NCAPG2: variants seen among roughly 807,000 people sequenced by gnomAD.
The protein encoded by NCAPG2 is non-SMC condensin II complex subunit G2, also known as condensin-2 complex subunit G2.
NCAPG2 carries 53 observed loss-of-function variants against 141.1 expected under a neutral mutation model. That is an observed-to-expected ratio of 0.38 (90% CI 0.30 to 0.47). NCAPG2 has a LOEUF of 0.47. Ranked by LOEUF, NCAPG2 falls within the 20% of genes least tolerant of loss-of-function variation. The pLI, the probability that NCAPG2 is intolerant of heterozygous loss-of-function variation, is 0.99. For missense variants in NCAPG2, 1,087 were observed against 1,389.0 expected (o/e 0.78, Z 3.46); for synonymous variants, 499 against 490.7 (o/e 1.02, Z -0.22).
intron 16 of NCAPG2, among the ~76,000 whole-genome samples, chr7:158,659,180 T>C (rs970459946): frequency 2.6e-5 from 4 of 151,258 alleles, no homozygotes; most frequent in African/African-American, 9.7e-5. Context: ...AAATTCAAAA[T>C]TAGCCAGGCA....
At chr7:158,694,988 G>A (rs1835360388) in intron 2 of NCAPG2, among the ~76,000 whole-genome samples, 1 of 152,094 alleles carries the variant, frequency 6.6e-6, no homozygotes, top group South Asian at 2.1e-4. Flanking sequence ...TCTACCTATA[G>A]ACCCGACATT....
At chr7:158,658,557 AC>A in intron 16 of NCAPG2, 149 bp from the exon 17 acceptor site, 1 of 650,340 alleles carries the variant, frequency 1.5e-6, no homozygotes. Context: ...GAAAACTTAA[AC>A]CAGCCTCATG....
At chr7:158,687,490 G>A in intron 6 of NCAPG2, 48 bp from the exon 7 acceptor site, 1 of 1,358,930 alleles carries the variant, frequency 7.4e-7, no homozygotes. Context: ...CAAATAAAAA[G>A]TGCCAAATAA....
At position 158,690,738 on chromosome 7, in the gene NCAPG2, G is replaced by A; in HGVS notation, c.383-16C>T. 2 of 1,606,044 alleles carry A rather than the reference G, an allele frequency of 1.2e-6. No homozygotes were observed. The highest frequency in any genetic ancestry group is 1.7e-6 in the Non-Finnish European group (2 of 1,175,120). On this transcript the variant is annotated splice_polypyrimidine_tract_variant and intron_variant, in intron 4 of 27. Transcript: ENST00000356309. ...TATAAAATACCTAAAATACAGCACAGTAATTTTCCAATTAGTAAGGCAAAT... is the reference window on the plus strand; with the variant it reads ...TATAAAATACCTAAAATACAGCACAATAATTTTCCAATTAGTAAGGCAAAT...
chr7:158,639,280 A>G (rs1307704322), intron 27 of NCAPG2, among the ~76,000 whole-genome samples: 1 of 151,870 alleles, frequency 6.6e-6, no homozygotes, highest in Non-Finnish European at 1.5e-5. Flanking sequence ...ACTAATTTCT[A>G]TATTTTTTGT....
intron 27 of NCAPG2, 93 bp downstream of exon 27, chr7:158,644,196 G>A (rs1202687645): frequency 3.8e-6 from 4 of 1,059,490 alleles, no homozygotes; most frequent in Non-Finnish European, 4.3e-6. Flanking sequence ...CCACCTGGGT[G>A]TAAGTAGCAG....
chr7:158,637,095 C>T (rs898165459), intron 27 of NCAPG2, among the ~76,000 whole-genome samples: 3 of 151,912 alleles, frequency 2.0e-5, no homozygotes, highest in African/African-American at 7.3e-5. Context: ...CTACAGGCGC[C>T]CGCCACCATG....
At chr7:158,651,122 A>G in intron 23 of NCAPG2, 150 bp from the exon 24 acceptor site, 1 of 783,622 alleles carries the variant, frequency 1.3e-6, no homozygotes, top group Admixed American at 3.7e-5. Context: ...TGCCCACTAC[A>G]TTCCACTCCC....
At chr7:158,658,149 TAAAA>T (rs11444440) in intron 17 of NCAPG2, among the ~76,000 whole-genome samples, 185 bp downstream of exon 17, 1 of 97,500 alleles carries the variant, frequency 1.0e-5, no homozygotes, top group East Asian at 2.5e-4. Context: ...GAATGATCAA[TAAAA>T]AAAAAAAAAA....
At chr7:158,644,126 G>A (rs115318517) in intron 27 of NCAPG2, among the ~76,000 whole-genome samples, 163 bp downstream of exon 27, 1,937 of 152,330 alleles carry the variant, frequency 0.013, 47 homozygotes, top group African/African-American at 0.044. Flanking sequence ...TAAATTAAAC[G>A]TAAGCTAAAG....
chr7:158,681,857 C>T (rs1441017210), intron 9 of NCAPG2, among the ~76,000 whole-genome samples: 2 of 152,140 alleles, frequency 1.3e-5, no homozygotes, highest in Non-Finnish European at 2.9e-5. Context: ...AGAACATTTT[C>T]ATCAACAATG....
In NCAPG2 at chr7:158,656,279, T is replaced by C; in HGVS notation, c.2369A>G (p.Lys790Arg). Residue 790 changes from lysine (K) to arginine (R), a missense_variant, in exon 19 of 28, where the codon AAA becomes AGA. By Grantham distance (26) the Lys-to-Arg change is conservative. Coordinates refer to ENST00000356309, the MANE Select transcript of NCAPG2 (RefSeq NM_017760.7). ...AGTTACCTTTGACGTTTCAAGGGCT[T>C]TCAAAAGATGGTTAAGTTTCTTCCG... ...APRKKLNHLLKALETSKADLE... is the reference protein window; with the variant it reads ...APRKKLNHLLRALETSKADLE... 6.2e-7 allele frequency: 1 copy of C among 1,614,154 alleles called. No homozygotes were observed. The highest frequency in any genetic ancestry group is 8.5e-7 in the Non-Finnish European group (1 of 1,180,026).
rs1208769186 is a variant in NCAPG2 at position 158,667,781 on chromosome 7, C to G, written c.1480-3031G>C. ...ACCCACTACTGGGTCCCTCCGCCCT[C>G]CCTTACCCACTACTGGGTCCCTCCG... On this transcript the variant is annotated intron_variant, in intron 13 of 27. Transcript: ENST00000356309. Among the ~76,000 whole-genome samples, 72 of 17,048 alleles carry G rather than the reference C, an allele frequency of 4.2e-3. 7 individuals carry two copies. Among genetic ancestry groups the G allele is most frequent in the Non-Finnish European group, 7.2e-3 (52 of 7,264 alleles). The allele number at this position is 17,048 out of a possible 152,430, so 11.2% of individuals were successfully genotyped here.
rs192228529 is a variant in NCAPG2 at position 158,695,478 on chromosome 7, G to A, written c.79-1981C>T. 1.0e-3 allele frequency among the ~76,000 whole-genome samples: 154 copies of A among 152,358 alleles called. 1 individual carries two copies. Among genetic ancestry groups the A allele is most frequent in the Non-Finnish European group, 1.9e-3 (128 of 68,032 alleles). Reference sequence around the variant, plus strand: ...TGAAAAATCAACCCTGAAGAAATGAGAGTGAGAGAGGTTCCAGTAACAAAC... The same window carrying A: ...TGAAAAATCAACCCTGAAGAAATGAAAGTGAGAGAGGTTCCAGTAACAAAC... On this transcript the variant is annotated intron_variant, in intron 2 of 27. Transcript: ENST00000356309.
intron 27 of NCAPG2, among the ~76,000 whole-genome samples, chr7:158,636,843 C>T (rs1830235286): frequency 6.6e-6 from 1 of 152,168 alleles, no homozygotes; most frequent in African/African-American, 2.4e-5. Context: ...ACATCATTGC[C>T]ACTTATTTTC....
At chr7:158,699,670 C>T (rs868691573) in intron 2 of NCAPG2, among the ~76,000 whole-genome samples, 5 of 152,288 alleles carry the variant, frequency 3.3e-5, no homozygotes, top group African/African-American at 1.2e-4. Context: ...TTTTTCTCCT[C>T]TGTTCTACCT....
At chr7:158,634,370 T>C (rs897354745) in intron 27 of NCAPG2, among the ~76,000 whole-genome samples, 1 of 152,210 alleles carries the variant, frequency 6.6e-6, no homozygotes, top group Non-Finnish European at 1.5e-5. Flanking sequence ...ACTATACTAA[T>C]AGTTGTTATA....
chr7:158,665,477 C>CCTCG (rs1428976817), intron 13 of NCAPG2: 1 of 152,240 alleles, frequency 6.6e-6, no homozygotes, highest in Non-Finnish European at 1.5e-5. Flanking sequence ...TCAAGCCCTG[C>CCTCG]CTCGGGCTCC....
At chr7:158,693,533 C>CA in intron 2 of NCAPG2, 36 bp from the exon 3 acceptor site, 5 of 1,541,094 alleles carry the variant, frequency 3.2e-6, no homozygotes, top group East Asian at 2.3e-5. Context: ...ATTTCAAATA[C>CA]AAAAAATTAA....
Sources: allele counts gnomAD v4.1 joint callset (sites outside exome capture counted in the v4.1 genomes callset), GRCh38; gene constraint gnomAD v4.1.1; transcripts MANE v1.5; gene names NCBI Gene and HGNC (gene_info 2026-07-23, HGNC 2026-07-21).